Variants in NRXN1 observed in about 807,000 individuals in gnomAD.
NRXN1 encodes the protein neurexin-1.
In NRXN1, 39 loss-of-function variants were observed where a neutral mutation model predicts 150.9. The ratio of observed to expected loss-of-function variants is 0.26; its 90% CI spans 0.20 to 0.34. The LOEUF (loss-of-function observed/expected upper bound fraction) is 0.34. Among genes scored for constraint, NRXN1 ranks in the 10% least tolerant of loss-of-function variants. NRXN1 has a pLI of 1.00. For missense variants in NRXN1, 1,815 were observed against 1,949.9 expected (o/e 0.93, Z 1.30); for synonymous variants, 924 against 757.0 (o/e 1.22, Z -3.62).
intron 5 of NRXN1, among the ~76,000 whole-genome samples, chr2:50,742,591 G>C (rs1699557675): frequency 7.1e-6 from 1 of 141,390 alleles, no homozygotes; most frequent in Non-Finnish European, 1.5e-5. Context: ...CTGGGTGACA[G>C]ACGGAGACTC....
intron 18 of NRXN1, among the ~76,000 whole-genome samples, chr2:50,112,406 C>G (rs868659664): frequency 6.6e-6 from 1 of 152,182 alleles, no homozygotes; most frequent in African/African-American, 2.4e-5. Context: ...TGAAGCTGGT[C>G]CCTTCGTTGT....
At position 51,028,909 on chromosome 2, in the gene NRXN1, GCTT is replaced by G. The variant is rs1671055408; in HGVS notation, c.-639_-637del. The G allele has an allele frequency of 6.6e-6, 1 of 152,200 alleles. No homozygotes were observed. Among genetic ancestry groups the G allele is most frequent in the Admixed American group, 6.5e-5 (1 of 15,292 alleles). The allele number at this position is 152,200 out of a possible 1,614,324, so 9.4% of individuals were successfully genotyped here. A position where few individuals can be genotyped will look rare whatever the true frequency, so the allele number is the denominator to read the frequency against. Reference sequence around the variant, plus strand: ...AACCCGAGGATAGCTTCAAAGGCCTGCTTCTTCTGTCATAGCATGGGCTTCAGC... The same window carrying G: ...AACCCGAGGATAGCTTCAAAGGCCTGCTTCTGTCATAGCATGGGCTTCAGC... On this transcript the variant is annotated 5_prime_UTR_variant, in exon 2 of 23. Coordinates refer to ENST00000401669, the MANE Select transcript of NRXN1 (RefSeq NM_001330078.2).
intron 5 of NRXN1, among the ~76,000 whole-genome samples, chr2:50,669,090 T>A (rs984866299): frequency 6.6e-6 from 1 of 151,694 alleles, no homozygotes; most frequent in African/African-American, 2.4e-5. Context: ...ATCAGGAAAT[T>A]GAGTGTAGCC....
intron 5 of NRXN1, among the ~76,000 whole-genome samples, chr2:50,676,860 C>A (rs1689624828): frequency 6.6e-6 from 1 of 152,100 alleles, no homozygotes; most frequent in African/African-American, 2.4e-5. Flanking sequence ...ATTCAGCATT[C>A]ATTCATTTAT....
At chr2:50,374,770 AAGTT>A (rs2080361116) in intron 17 of NRXN1, among the ~76,000 whole-genome samples, 1 of 152,206 alleles carries the variant, frequency 6.6e-6, no homozygotes, top group Non-Finnish European at 1.5e-5. Context: ...CAATATTTTA[AAGTT>A]ATATTTTCAA....
intron 2 of NRXN1, among the ~76,000 whole-genome samples, chr2:50,997,113 C>T (rs1699417576): frequency 6.6e-6 from 1 of 152,004 alleles, no homozygotes; most frequent in Admixed American, 6.6e-5. Context: ...GTGATCCAAG[C>T]ACTTTGGGAG....
chr2:50,482,012 C>G (rs6707831), intron 15 of NRXN1, among the ~76,000 whole-genome samples: 79,963 of 142,558 alleles, frequency 0.56, 23,352 homozygotes, highest in African/African-American at 0.67. Context: ...TCGTGATCCG[C>G]CCGCCTCGGC....
At chr2:50,905,639 A>G (rs1213578389) in intron 5 of NRXN1, among the ~76,000 whole-genome samples, 1 of 152,032 alleles carries the variant, frequency 6.6e-6, no homozygotes, top group Non-Finnish European at 1.5e-5. Context: ...CCTCTTTCCC[A>G]GTGAATCTAT....
At chr2:50,528,499 T>C (rs2093016514) in intron 12 of NRXN1, 126 bp downstream of exon 12, 1 of 645,824 alleles carries the variant, frequency 1.5e-6, no homozygotes, top group East Asian at 3.0e-5. Context: ...GATGGACTGG[T>C]ATACTTTAAA....
chr2:50,148,164 A>T (rs1297566059), intron 18 of NRXN1, among the ~76,000 whole-genome samples: 3 of 151,588 alleles, frequency 2.0e-5, no homozygotes, highest in African/African-American at 7.3e-5. Flanking sequence ...TGAGTGTGAA[A>T]CTAATTTTTT....
chr2:50,786,244 C>T (rs910034089), intron 5 of NRXN1, among the ~76,000 whole-genome samples: 11 of 152,052 alleles, frequency 7.2e-5, no homozygotes, highest in South Asian at 2.1e-4. Context: ...CATCTATGTA[C>T]GACAGGAAGT....
At chr2:50,582,478 CAAAAAAAA>C (rs56941425) in intron 8 of NRXN1, among the ~76,000 whole-genome samples, 14 of 44,204 alleles carry the variant, frequency 3.2e-4, no homozygotes, top group Admixed American at 1.0e-3. Flanking sequence ...GACTCGTCTC[CAAAAAAAA>C]AAAAAAAAAA....
At chr2:50,278,031 T>C (rs1015493432) in intron 17 of NRXN1, among the ~76,000 whole-genome samples, 9 of 148,136 alleles carry the variant, frequency 6.1e-5, no homozygotes, top group South Asian at 2.1e-4. Flanking sequence ...ACATTGACCA[T>C]AGATAGTGCT....
intron 5 of NRXN1, among the ~76,000 whole-genome samples, chr2:50,855,484 A>G (rs2105998936): frequency 6.6e-6 from 1 of 152,124 alleles, no homozygotes; most frequent in East Asian, 1.9e-4. Context: ...GTAATACTCC[A>G]TGCTGCTTCC....
chr2:50,874,326 T>C (rs1488616321), intron 5 of NRXN1, among the ~76,000 whole-genome samples: 1 of 151,872 alleles, frequency 6.6e-6, no homozygotes, highest in Non-Finnish European at 1.5e-5. Context: ...ATACTATCAA[T>C]TCTTTGTCAG....
chr2:50,248,376 C>T (rs2066707929), intron 17 of NRXN1, among the ~76,000 whole-genome samples: 1 of 152,212 alleles, frequency 6.6e-6, no homozygotes, highest in Non-Finnish European at 1.5e-5. Flanking sequence ...TTGAGAAACA[C>T]CTACCTCTTG....
chr2:50,095,961 G>T (rs561254898), intron 18 of NRXN1, among the ~76,000 whole-genome samples: 1 of 107,228 alleles, frequency 9.3e-6, no homozygotes, highest in South Asian at 2.9e-4. Flanking sequence ...AACAGGCCCC[G>T]GTGTGTGATG....
At chr2:50,066,692 A>G (rs1695412545) in intron 19 of NRXN1, among the ~76,000 whole-genome samples, 1 of 152,200 alleles carries the variant, frequency 6.6e-6, no homozygotes, top group Non-Finnish European at 1.5e-5. Flanking sequence ...TATTCATGTC[A>G]CGAACCATGA....
intron 17 of NRXN1, among the ~76,000 whole-genome samples, chr2:50,377,237 T>C (rs145327312): frequency 1.3e-5 from 2 of 152,230 alleles, no homozygotes; most frequent in African/African-American, 4.8e-5. Flanking sequence ...TTTATCGTGA[T>C]GCTCTCCCTC....
Sources: allele counts gnomAD v4.1 joint callset (sites outside exome capture counted in the v4.1 genomes callset), GRCh38; gene constraint gnomAD v4.1.1; transcripts MANE v1.5; gene names NCBI Gene and HGNC (gene_info 2026-07-23, HGNC 2026-07-21).